CSMD3: variants seen among roughly 807,000 people sequenced by gnomAD.
CSMD3 encodes CUB and Sushi multiple domains 3, also known as CUB and sushi domain-containing protein 3.
CSMD3 carries 177 observed loss-of-function variants against 435.2 expected under a neutral mutation model. The ratio of observed to expected loss-of-function variants is 0.41; its 90% confidence interval spans 0.36 to 0.46. The LOEUF (loss-of-function observed/expected upper bound fraction) is 0.46. Among genes scored for constraint, CSMD3 ranks in the 20% least tolerant of loss-of-function variants. The probability of loss-of-function intolerance (pLI) is 0.34; values close to 1 mark genes in which losing one functional copy is unlikely to be tolerated. For synonymous variants in CSMD3, 1,656 were observed against 1,520.5 expected, an observed-to-expected ratio of 1.09 and a Z score of -2.07; for missense variants, 4,265 against 4,504.6, an observed-to-expected ratio of 0.95 and a Z score of 1.52.
chr8:113,162,295 GCCAGGCGCGGTAGCTCACGCCTGTAATC>G lies in CSMD3; in HGVS notation c.709+11399_709+11426del, dbSNP rs373899829. Among the ~76,000 whole-genome samples, 85 of 152,074 alleles carry G rather than the reference GCCAGGCGCGGTAGCTCACGCCTGTAATC, an allele frequency of 5.6e-4. 1 individual carries two copies. The East Asian group carries it at 8.7e-3, about 16-fold the overall frequency. ...AGCGGTTAAGAACTTGTCACTCTAG[GCCAGGCGCGGTAGCTCACGCCTGTAATC>G]CCAGGCGTGAGGCAGGTAGATCACC... On this transcript the variant is annotated intron_variant, in intron 4 of 70. Transcript: ENST00000297405.
chr8:113,226,337 G>T (rs1271499396), intron 3 of CSMD3, among the ~76,000 whole-genome samples: 1 of 151,478 alleles, frequency 6.6e-6, no homozygotes, highest in African/African-American at 2.4e-5. Flanking sequence ...ATTAAAATCT[G>T]CTATGACTAA....
At chr8:113,090,357 GA>G (rs1378274768) in intron 5 of CSMD3, among the ~76,000 whole-genome samples, 2 of 151,326 alleles carry the variant, frequency 1.3e-5, no homozygotes, top group Non-Finnish European at 3.0e-5. Context: ...TTATTAAGAT[GA>G]AAAAATTTGA....
intron 10 of CSMD3, among the ~76,000 whole-genome samples, chr8:112,919,563 T>G (rs992056992): frequency 6.6e-6 from 1 of 151,842 alleles, no homozygotes; most frequent in Non-Finnish European, 1.5e-5. Context: ...AATCTCCTTT[T>G]CTCTGTCATC....
At chr8:112,494,379 C>T (rs1449992245) in intron 30 of CSMD3, among the ~76,000 whole-genome samples, 2 of 150,902 alleles carry the variant, frequency 1.3e-5, no homozygotes, top group South Asian at 2.1e-4. Context: ...TAAAGGCTCA[C>T]GACCCTACTA....
intron 1 of CSMD3, among the ~76,000 whole-genome samples, chr8:113,406,432 C>G (rs552066464): frequency 6.6e-6 from 1 of 151,816 alleles, no homozygotes; most frequent in South Asian, 2.1e-4. Flanking sequence ...AGGCATAAAC[C>G]CTTTGGTGCA....
intron 13 of CSMD3, among the ~76,000 whole-genome samples, chr8:112,784,458 AT>A (rs1277416437): frequency 6.6e-6 from 1 of 151,986 alleles, no homozygotes; most frequent in African/African-American, 2.4e-5. Context: ...AACAAAAAAA[AT>A]ACAAAAGTTC....
At chr8:113,425,830 A>G (rs573515153) in intron 1 of CSMD3, among the ~76,000 whole-genome samples, 2 of 151,740 alleles carry the variant, frequency 1.3e-5, no homozygotes, top group Admixed American at 6.6e-5. Flanking sequence ...TAGAGGTTTT[A>G]TCATTTCCAT....
chr8:113,374,260 T>G (rs749523744), intron 1 of CSMD3, among the ~76,000 whole-genome samples: 2 of 152,080 alleles, frequency 1.3e-5, no homozygotes, highest in South Asian at 4.1e-4. Context: ...TGAAAGATAT[T>G]AAGAAAAATA....
chr8:112,571,825 C>T (rs145403848), intron 24 of CSMD3, among the ~76,000 whole-genome samples: 25 of 149,868 alleles, frequency 1.7e-4, no homozygotes, highest in African/African-American at 4.9e-4. Flanking sequence ...GCAAAGATCG[C>T]GCCATTGCAC....
chr8:113,358,947 TA>T (rs1472623011), intron 1 of CSMD3, among the ~76,000 whole-genome samples: 12 of 151,742 alleles, frequency 7.9e-5, no homozygotes, highest in African/African-American at 1.7e-4. Flanking sequence ...CATAGCAAAA[TA>T]AAAAAGCTGC....
chr8:112,506,101 T>C (rs1206476942), intron 29 of CSMD3, among the ~76,000 whole-genome samples: 1 of 152,040 alleles, frequency 6.6e-6, no homozygotes, highest in African/African-American at 2.4e-5. Flanking sequence ...AAAATTATCA[T>C]TGTTGTTGCT....
intron 13 of CSMD3, among the ~76,000 whole-genome samples, chr8:112,790,933 G>T (rs1240529270): frequency 6.6e-6 from 1 of 152,082 alleles, no homozygotes; most frequent in East Asian, 1.9e-4. Flanking sequence ...GATTCATTGA[G>T]ATATGATGAA....
intron 50 of CSMD3, among the ~76,000 whole-genome samples, 191 bp from the exon 51 acceptor site, chr8:112,306,383 C>T (rs918151): frequency 1 from 152,289 of 152,312 alleles, 76,133 homozygotes; most frequent in Middle Eastern, 1. Context: ...CCTTATTTAG[C>T]AATGTTTATA....
In CSMD3 at chr8:112,976,055, G is replaced by T; in HGVS notation, c.1124C>A (p.Ala375Glu). Residue 375 changes from alanine to glutamate, a missense_variant, in exon 7 of 71, where the codon GCA (alanine) becomes GAA (glutamate). Around this residue, in one of 3 missense-constraint regions of CSMD3, gnomAD observed 731 missense variants for 755.4 expected, o/e 0.97. Transcript: ENST00000297405. ...TGAIAVASTP[A>E]DVTVSSVTAV... is the part of the protein sequence containing the mutation. ...TGTAACACTGGATACAGTAACATCT[G>T]CAGGTGTGCTAGCAACAGCAATAGC... 6.2e-7 allele frequency: 1 copy of T among 1,614,060 alleles called. No individual in the cohort carries two copies.
intron 32 of CSMD3, among the ~76,000 whole-genome samples, chr8:112,465,974 C>CAAAAAAAAAAAAAAA (rs201876803): frequency 2.9e-4 from 33 of 114,124 alleles, no homozygotes; most frequent in African/African-American, 1.1e-3. Flanking sequence ...GACACCATCT[C>CAAAAAAAAAAAAAAA]AAAAAAAAAA....
intron 13 of CSMD3, among the ~76,000 whole-genome samples, chr8:112,742,935 A>G (rs2077344660): frequency 6.6e-6 from 1 of 151,972 alleles, no homozygotes; most frequent in Non-Finnish European, 1.5e-5. Context: ...GAAAGGCCTC[A>G]TTTTTGGTTT....
At chr8:112,935,092 G>A (rs765629953) in intron 9 of CSMD3, among the ~76,000 whole-genome samples, 1 of 151,962 alleles carries the variant, frequency 6.6e-6, no homozygotes, top group Admixed American at 6.6e-5. Context: ...TGAGATAAGG[G>A]TCTAGTTTCA....
At chr8:113,344,272 A>G (rs574970867) in intron 1 of CSMD3, among the ~76,000 whole-genome samples, 1 of 152,230 alleles carries the variant, frequency 6.6e-6, no homozygotes, top group Non-Finnish European at 1.5e-5. Flanking sequence ...GCCTAAAACC[A>G]AATTTTTCTA....
chr8:113,149,794 G>A (rs9642819), intron 4 of CSMD3, among the ~76,000 whole-genome samples: 43,137 of 151,774 alleles, frequency 0.28, 7,349 homozygotes, highest in East Asian at 0.69. Flanking sequence ...TCTCCAAGGT[G>A]TAACAGCTGT....
Sources: allele counts gnomAD v4.1 joint callset (sites outside exome capture counted in the v4.1 genomes callset), GRCh38; gene constraint gnomAD v4.1.1; regional missense constraint gnomAD v4.1.1; transcripts MANE v1.5; gene names NCBI Gene and HGNC (gene_info 2026-07-23, HGNC 2026-07-21).